The following ANKDD1B variants were observed in gnomAD, a reference collection of about 807,000 sequenced individuals.
ANKDD1B encodes the protein ankyrin repeat and death domain-containing protein 1B.
A neutral mutation model predicts 59.7 loss-of-function variants in ANKDD1B; 57 were observed. That is an observed-to-expected ratio of 0.95 (90% CI 0.77 to 1.19). The LOEUF (loss-of-function observed/expected upper bound fraction) is 1.19, where lower values mean the gene tolerates loss of function less well. Ranked by LOEUF, ANKDD1B falls within the 50% of genes most tolerant of loss-of-function variation. ANKDD1B has a pLI of 0.00. For missense variants in ANKDD1B, 602 were observed against 641.9 expected (o/e 0.94, Z 0.67); for synonymous variants, 216 against 239.5 (o/e 0.90, Z 0.91).
Position 75,661,414 on chromosome 5 carries a change from A to AAAAAAG in ANKDD1B, c.1096-1975_1096-1974insGAAAAA, listed in dbSNP as rs1775144352. On this transcript the variant is annotated intron_variant, in intron 10 of 13. Coordinates refer to ENST00000601380, the MANE Select transcript of ANKDD1B (RefSeq NM_001276713.2). ...TCCGTCTGAAAAAAAAAAAAAAAAA[A>AAAAAAG]AAAAAAAAAAAGTAACACAGGCCCA... Among the ~76,000 whole-genome samples the AAAAAAG allele has an allele frequency of 5.3e-5, 7 of 131,476 alleles. No homozygotes were observed. In the East Asian group the frequency reaches 6.4e-4, roughly 12 times the overall value. 86.3% of individuals were successfully genotyped at this position (131,476 alleles called of 152,430 possible). A position where few individuals can be genotyped will look rare whatever the true frequency, so the allele number is the denominator to read the frequency against.
chr5:75,655,056 A>G (rs1291384942), intron 8 of ANKDD1B, among the ~76,000 whole-genome samples: 1 of 151,956 alleles, frequency 6.6e-6, no homozygotes, highest in Non-Finnish European at 1.5e-5. Context: ...CGCCCCGCTC[A>G]GCTGCCGTCT....
intron 9 of ANKDD1B, among the ~76,000 whole-genome samples, chr5:75,657,910 A>G (rs911263885): frequency 1.3e-5 from 2 of 152,046 alleles, no homozygotes; most frequent in East Asian, 3.9e-4. Flanking sequence ...AAAAAAAAAA[A>G]AAAAGAAATA....
chr5:75,614,499 G>A (rs1311265237), intron 1 of ANKDD1B, among the ~76,000 whole-genome samples: 1 of 152,204 alleles, frequency 6.6e-6, no homozygotes, highest in Non-Finnish European at 1.5e-5. Flanking sequence ...TGTAAGATGT[G>A]CAGAAATGTG....
intron 10 of ANKDD1B, among the ~76,000 whole-genome samples, chr5:75,662,516 A>G (rs537883684): frequency 6.6e-6 from 1 of 152,234 alleles, no homozygotes; most frequent in Non-Finnish European, 1.5e-5. Flanking sequence ...TCTGACCATT[A>G]ATTTTAATTG....
intron 1 of ANKDD1B, among the ~76,000 whole-genome samples, chr5:75,612,068 TAAG>T (rs1025655758): frequency 4.6e-5 from 7 of 152,158 alleles, no homozygotes; most frequent in African/African-American, 1.7e-4. Context: ...TCTTCCGAAT[TAAG>T]GAGGAGGCTT....
chr5:75,616,484 G>A (rs991628756), intron 1 of ANKDD1B, among the ~76,000 whole-genome samples: 2 of 152,074 alleles, frequency 1.3e-5, no homozygotes, highest in Non-Finnish European at 2.9e-5. Flanking sequence ...TACAAACAAT[G>A]CCCCCTGGGA....
chr5:75,656,104 C>T lies in ANKDD1B; in HGVS notation c.973C>T (p.His325Tyr), dbSNP rs1342755352. The change falls in exon 9 of 14, where the codon CAT (histidine) becomes TAT (tyrosine). Residue 325 changes from histidine (H) to tyrosine (Y), a missense_variant. Physicochemically the swap from His to Tyr is moderately conservative, Grantham distance 83. Transcript: ENST00000601380. ...TVVNSLLSAQ[H>Y]DIDILNQKQQ... The stretch of plus-strand genomic sequence containing the variant: ...TGTAAACAGTTTATTAAGTGCACAG[C>T]ATGATATTGACATCTTAAATCAGGT... 2 of 1,520,964 alleles carry T rather than the reference C, an allele frequency of 1.3e-6. No homozygotes were observed. Among genetic ancestry groups the T allele is most frequent in the East Asian group, 4.9e-5 (2 of 40,634 alleles). 94.2% of individuals were successfully genotyped at this position (1,520,964 alleles called of 1,614,324 possible).
chr5:75,664,102 C>A (rs891605559), intron 11 of ANKDD1B, among the ~76,000 whole-genome samples: 1 of 152,214 alleles, frequency 6.6e-6, no homozygotes, highest in East Asian at 1.9e-4. Context: ...TGCCAGGCAC[C>A]ATTCTTGATT....
rs576621038 is a variant in ANKDD1B, at chr5:75,611,742, C to T, written c.108C>T (p.Ala36=). Residue 36 remains alanine, a synonymous_variant, in exon 1 of 14, where the codon GCC becomes GCT. Coordinates refer to ENST00000601380, the MANE Select transcript of ANKDD1B (RefSeq NM_001276713.2). Reference sequence around the variant, plus strand: ...TCAGGGAAGACCTGTGGGGCGCGGCCGCCCTGCCTTGGAGGAGCCTGTCCC... The same window carrying T: ...TCAGGGAAGACCTGTGGGGCGCGGCTGCCCTGCCTTGGAGGAGCCTGTCCC... ...KGLREDLWGA[A]ALPWRSLSRI... 311 of 1,231,914 alleles carry T rather than the reference C, an allele frequency of 2.5e-4. 1 individual carries two copies. Among genetic ancestry groups the T allele is most frequent in the African/African-American group, 2.3e-3 (149 of 64,540 alleles). 76.3% of individuals were successfully genotyped at this position (1,231,914 alleles called of 1,614,324 possible).
intron 11 of ANKDD1B, 147 bp from the exon 12 acceptor site, chr5:75,666,645 T>A (rs79141566): frequency 0.29 from 17,765 of 61,256 alleles, 50 homozygotes; most frequent in Middle Eastern, 0.41. Flanking sequence ...AAAAAAAAAA[T>A]ATATATATGA....
intron 3 of ANKDD1B, among the ~76,000 whole-genome samples, chr5:75,624,670 CCT>C (rs1384604449): frequency 6.6e-6 from 1 of 152,180 alleles, no homozygotes; most frequent in Non-Finnish European, 1.5e-5. Context: ...ACCCTCTCCT[CCT>C]CTGGTAACCA....
At chr5:75,634,257 A>G (rs1004733714) in intron 5 of ANKDD1B, among the ~76,000 whole-genome samples, 3 of 152,234 alleles carry the variant, frequency 2.0e-5, no homozygotes, top group Non-Finnish European at 2.9e-5. Flanking sequence ...ATTTGAGCTT[A>G]TCTTCTAAAA....
At chr5:75,625,469 A>G (rs1348717631) in intron 3 of ANKDD1B, among the ~76,000 whole-genome samples, 178 bp from the exon 4 acceptor site, 2 of 152,098 alleles carry the variant, frequency 1.3e-5, no homozygotes, top group Admixed American at 6.6e-5. Flanking sequence ...TGCCTGTACC[A>G]CTTATTAAGT....
intron 10 of ANKDD1B, among the ~76,000 whole-genome samples, chr5:75,662,535 G>A (rs574878248): frequency 2.6e-5 from 4 of 152,114 alleles, no homozygotes; most frequent in Non-Finnish European, 5.9e-5. Flanking sequence ...TGTTTTCTGA[G>A]CAAATTCTTC....
intron 7 of ANKDD1B, among the ~76,000 whole-genome samples, chr5:75,648,144 C>A: frequency 9.2e-6 from 1 of 109,110 alleles, no homozygotes; most frequent in Non-Finnish European, 1.8e-5. Context: ...GGAGATATAC[C>A]TAATGCTAGA....
At chr5:75,654,099 T>C (rs1213839267) in intron 8 of ANKDD1B, among the ~76,000 whole-genome samples, 1 of 152,232 alleles carries the variant, frequency 6.6e-6, no homozygotes, top group African/African-American at 2.4e-5. Context: ...GCTGCTCCCA[T>C]AGCCCTGCTC....
chr5:75,654,249 A>G (rs1269658591), intron 8 of ANKDD1B, among the ~76,000 whole-genome samples: 1 of 152,082 alleles, frequency 6.6e-6, no homozygotes, highest in African/African-American at 2.4e-5. Context: ...TCTCTCTTCC[A>G]TCCATCTACC....
chr5:75,629,077 CT>C (rs1774072383), intron 5 of ANKDD1B, among the ~76,000 whole-genome samples: 1 of 152,044 alleles, frequency 6.6e-6, no homozygotes, highest in East Asian at 1.9e-4. Flanking sequence ...AAAGAAGCTT[CT>C]TTTTCTGGGA....
At chr5:75,613,814 G>A (rs1388936918) in intron 1 of ANKDD1B, among the ~76,000 whole-genome samples, 1 of 152,158 alleles carries the variant, frequency 6.6e-6, no homozygotes, top group Non-Finnish European at 1.5e-5. Flanking sequence ...TCCTACATCT[G>A]AGTGACTGGA....
Sources: allele counts gnomAD v4.1 joint callset (sites outside exome capture counted in the v4.1 genomes callset), GRCh38; gene constraint gnomAD v4.1.1; transcripts MANE v1.5; gene names NCBI Gene and HGNC (gene_info 2026-07-23, HGNC 2026-07-21).